ZNF644: variants seen among roughly 807,000 people sequenced by gnomAD.
ZNF644 encodes zinc finger protein 644, also known as zinc finger motif enhancer binding protein 2.
A neutral mutation model predicts 108.0 loss-of-function variants in ZNF644; 20 were observed. The ratio of observed to expected loss-of-function variants is 0.19; its 90% CI spans 0.13 to 0.27. The LOEUF (loss-of-function observed/expected upper bound fraction) is 0.27, where lower values mean the gene tolerates loss of function less well. Among genes scored for constraint, ZNF644 ranks in the 10% least tolerant of loss-of-function variants. The pLI, the probability that ZNF644 is intolerant of heterozygous loss-of-function variation, is 1.00. For missense variants in ZNF644, 1,338 were observed against 1,548.9 expected (o/e 0.86, Z 2.29); for synonymous variants, 542 against 539.1 (o/e 1.01, Z -0.08).
chr1:90,931,455 A>C (rs1650719320), intron 4 of ZNF644, among the ~76,000 whole-genome samples: 2 of 151,936 alleles, frequency 1.3e-5, no homozygotes, highest in African/African-American at 4.8e-5. Context: ...TTAAATTTAC[A>C]ATATAGGATA....
At position 90,982,312 on chromosome 1, in the gene ZNF644, A is replaced by G; in HGVS notation, c.42T>C (p.Ser14=). ...FLQQDVNKTK[S]RLNVLNGLAN... is the part of the protein sequence containing the mutation. ...TAACAAAGCAGTCTTCTACTTACCT[A>G]GATTTTGTCTTATTAACATCTTGCT... The change falls in exon 2 of 6, where the codon TCT becomes TCC. Residue 14 remains serine (S), a splice_region_variant and synonymous_variant. Transcript: ENST00000337393. 6.2e-7 allele frequency: 1 copy of G among 1,609,432 alleles called. No individual in the cohort carries two copies. The highest frequency in any genetic ancestry group is 8.5e-7 in the Non-Finnish European group (1 of 1,178,194).
chr1:90,943,454 CAATAA>C lies in ZNF644; in HGVS notation c.45-2150_45-2146del, dbSNP rs996775545. On this transcript the variant is annotated intron_variant, in intron 2 of 5. Transcript: ENST00000337393. Reference sequence around the variant, plus strand: ...AGACTCCGTCTCAAAAAATAAAAAACAATAAAATAATAAAATTGTTCTTATATTTT... The same window carrying C: ...AGACTCCGTCTCAAAAAATAAAAAACAATAATAAAATTGTTCTTATATTTT... 5.3e-5 allele frequency among the ~76,000 whole-genome samples: 8 copies of C among 151,848 alleles called. 1 individual carries two copies. Among genetic ancestry groups the C allele is most frequent in the Admixed American group, 2.0e-4 (3 of 15,132 alleles).
intron 2 of ZNF644, among the ~76,000 whole-genome samples, chr1:90,974,388 G>A (rs1292244472): frequency 1.3e-5 from 2 of 152,038 alleles, no homozygotes; most frequent in African/African-American, 4.8e-5. Flanking sequence ...CACATCTCGA[G>A]TTATAGATAG....
At chr1:91,004,063 C>G in intron 1 of ZNF644, among the ~76,000 whole-genome samples, 1 of 152,018 alleles carries the variant, frequency 6.6e-6, no homozygotes, top group East Asian at 1.9e-4. Context: ...CCTAAGAAAC[C>G]TGTGAGACAA....
intron 2 of ZNF644, among the ~76,000 whole-genome samples, chr1:90,941,717 G>C (rs1180118504): frequency 1.3e-5 from 2 of 152,062 alleles, no homozygotes; most frequent in African/African-American, 4.8e-5. Flanking sequence ...CACTTAAGTA[G>C]GTTTATCAGA....
chr1:90,994,673 C>T (rs1257173717), intron 1 of ZNF644, among the ~76,000 whole-genome samples: 1 of 152,196 alleles, frequency 6.6e-6, no homozygotes, highest in Non-Finnish European at 1.5e-5. Context: ...GTGTAGGCAG[C>T]AGGAAGCTGC....
intron 1 of ZNF644, among the ~76,000 whole-genome samples, chr1:91,001,865 A>C (rs970191137): frequency 1.3e-5 from 2 of 152,200 alleles, no homozygotes; most frequent in Admixed American, 1.3e-4. Flanking sequence ...AATGTGCAAA[A>C]ATCACAAGCA....
chr1:91,006,500 C>G (rs986671546), intron 1 of ZNF644, among the ~76,000 whole-genome samples: 3 of 152,104 alleles, frequency 2.0e-5, no homozygotes, highest in Admixed American at 1.3e-4. Context: ...CAAACTCTTC[C>G]AAAAAATAGG....
In ZNF644 at chr1:90,985,975, T is replaced by A. The variant is rs151034460; in HGVS notation, c.-17-3605A>T. 2.4e-3 allele frequency among the ~76,000 whole-genome samples: 359 copies of A among 152,286 alleles called. 4 individuals carry two copies. The highest frequency in any genetic ancestry group is 8.3e-3 in the African/African-American group (347 of 41,566). On this transcript the variant is annotated intron_variant, in intron 1 of 5. Coordinates refer to ENST00000337393, the MANE Select transcript of ZNF644 (RefSeq NM_201269.3). ...TGCCAACATTTGTTATCTTTTGTCTTTTTGATAATAGCAAATAAATTTTTT... is the reference window on the plus strand; with the variant it reads ...TGCCAACATTTGTTATCTTTTGTCTATTTGATAATAGCAAATAAATTTTTT...
intron 1 of ZNF644, among the ~76,000 whole-genome samples, chr1:91,017,307 A>G (rs1158718423): frequency 1.3e-5 from 2 of 152,240 alleles, no homozygotes; most frequent in Non-Finnish European, 2.9e-5. Context: ...TTTTACTTAC[A>G]AAATCTCAGT....
chr1:90,937,529 G>A lies in ZNF644; in HGVS notation c.3644C>T (p.Pro1215Leu), dbSNP rs765919416. Residue 1215 changes from proline to leucine, a missense_variant, in exon 4 of 6, where the codon CCG (proline) becomes CTG (leucine). By Grantham distance (98) the Pro-to-Leu change is moderately conservative. Around this residue, in one of 6 missense-constraint regions of ZNF644, gnomAD observed 287 missense variants for 310.9 expected, o/e 0.92. Coordinates refer to ENST00000337393, the MANE Select transcript of ZNF644 (RefSeq NM_201269.3). ...CATTTTTTGTGGCTGATACATCAAC[G>A]GACTATCCTCATTTAATGGAAGAAC... ...KCVLPLNEDS[P>L]LMYQPQKMDL... 2.5e-6 allele frequency: 4 copies of A among 1,613,790 alleles called. No individual in the cohort carries two copies. The highest frequency in any genetic ancestry group is 2.7e-5 in the African/African-American group (2 of 75,018).
chr1:91,001,893 C>A (rs1259992638), intron 1 of ZNF644, among the ~76,000 whole-genome samples: 1 of 152,070 alleles, frequency 6.6e-6, no homozygotes, highest in African/African-American at 2.4e-5. Flanking sequence ...ACACCAATAA[C>A]AGAGAGCCAA....
At chr1:90,935,182 AT>A (rs899269485) in intron 4 of ZNF644, among the ~76,000 whole-genome samples, 131 of 152,224 alleles carry the variant, frequency 8.6e-4, no homozygotes, top group Middle Eastern at 6.8e-3. Flanking sequence ...TCTTGGGTTA[AT>A]TTTTTTTCCC....
At chr1:90,933,767 T>C (rs1199152947) in intron 4 of ZNF644, among the ~76,000 whole-genome samples, 5 of 152,180 alleles carry the variant, frequency 3.3e-5, no homozygotes, top group African/African-American at 9.6e-5. Flanking sequence ...AATTCAAAAA[T>C]AGACCGCCTG....
chr1:90,989,792 T>C (rs1201672285), intron 1 of ZNF644, among the ~76,000 whole-genome samples: 1 of 152,180 alleles, frequency 6.6e-6, no homozygotes, highest in African/African-American at 2.4e-5. Flanking sequence ...AATTACCATA[T>C]GATCCAGCAA....
At chr1:90,999,388 C>A (rs903478126) in intron 1 of ZNF644, among the ~76,000 whole-genome samples, 16 of 152,298 alleles carry the variant, frequency 1.1e-4, no homozygotes, top group Admixed American at 2.0e-4. Flanking sequence ...GGCAAATATT[C>A]AACATTCTTA....
chr1:90,938,924 T>C lies in ZNF644; in HGVS notation c.2430A>G (p.Arg810=). The part of the protein sequence containing the change: ...FKDHRRVAVK[R]VIKESKKESS... ...TTTCCTTCTTAGATTCCTTAATTACTCTCTTTACAGCTACACGTCTGTGAT... is the reference window on the plus strand; with the variant it reads ...TTTCCTTCTTAGATTCCTTAATTACCCTCTTTACAGCTACACGTCTGTGAT... Residue 810 remains arginine (R), a synonymous_variant, in exon 3 of 6, where the codon AGA becomes AGG. Transcript: ENST00000337393. This position sits in a 1 kb window ranked among gnomAD's most constrained non-coding sequence, Gnocchi z 4.2. 1.2e-6 allele frequency: 2 copies of C among 1,614,052 alleles called. No individual in the cohort carries two copies. The highest frequency in any genetic ancestry group is 1.7e-6 in the Non-Finnish European group (2 of 1,179,944).
rs754385923 is a variant in ZNF644 at position 90,939,942 on chromosome 1, T to C, written c.1412A>G (p.Gln471Arg). 2 of 1,614,074 alleles carry C rather than the reference T, an allele frequency of 1.2e-6. No homozygotes were observed. Among genetic ancestry groups the C allele is most frequent in the Non-Finnish European group, 1.7e-6 (2 of 1,179,952 alleles). The change falls in exon 3 of 6, where the codon CAG (glutamine) becomes CGG (arginine). Residue 471 changes from glutamine to arginine, a missense_variant. Coordinates refer to ENST00000337393, the MANE Select transcript of ZNF644 (RefSeq NM_201269.3). ...NSLLKHMIIH[Q>R]ERRQKLMEEI... ...CTCCATCAACTTCTGTCTTCTCTCC[T>C]GGTGAATAATCATATGTTTTAGAAG...
chr1:91,007,007 T>C (rs564819767), intron 1 of ZNF644, among the ~76,000 whole-genome samples: 1 of 152,278 alleles, frequency 6.6e-6, no homozygotes, highest in South Asian at 2.1e-4. Flanking sequence ...TACTGATTAC[T>C]TTCCAATGCT....
Sources: gnomAD v4.1 joint callset for allele counts (sites outside exome capture counted in the v4.1 genomes callset) on GRCh38, gnomAD v4.1.1 for gene constraint, gnomAD v4.1.1 regional missense constraint, Gnocchi (gnomAD v3.1) non-coding constraint, MANE v1.5 for transcripts, NCBI Gene and HGNC (gene_info 2026-07-23, HGNC 2026-07-21) for gene names.